TNFSF18: variants seen among roughly 807,000 people sequenced by gnomAD.
TNFSF18 encodes tumor necrosis factor ligand superfamily member 18.
A neutral mutation model predicts 9.6 loss-of-function variants in TNFSF18; 6 were observed. The observed-to-expected ratio is 0.63, with a 90% confidence interval of 0.34 to 1.24. The LOEUF (loss-of-function observed/expected upper bound fraction) is 1.24. TNFSF18 is among the 50% of genes most tolerant of loss of function. The pLI, the probability that TNFSF18 is intolerant of heterozygous loss-of-function variation, is 0.03. For synonymous variants in TNFSF18, 68 were observed against 71.7 expected, an observed-to-expected ratio of 0.95 and a Z score of 0.26; for missense variants, 210 against 201.0, an observed-to-expected ratio of 1.04 and a Z score of -0.27.
intron 1 of TNFSF18, among the ~76,000 whole-genome samples, chr1:173,047,046 C>T (rs969923130): frequency 6.6e-6 from 1 of 152,052 alleles, no homozygotes; most frequent in Non-Finnish European, 1.5e-5. Flanking sequence ...GTGCATGCCA[C>T]CAAGCCCAGC....
intron 1 of TNFSF18, among the ~76,000 whole-genome samples, chr1:173,044,264 C>G (rs1036770597): frequency 2.0e-5 from 3 of 151,854 alleles, no homozygotes; most frequent in East Asian, 3.9e-4. Flanking sequence ...GACCCCCCCC[C>G]CAACCTTGGG....
intron 1 of TNFSF18, among the ~76,000 whole-genome samples, chr1:173,048,987 C>A (rs963533521): frequency 6.6e-6 from 1 of 152,190 alleles, no homozygotes; most frequent in African/African-American, 2.4e-5. Flanking sequence ...CTGCAAGTGT[C>A]CTGTCAGAAC....
chr1:173,041,693 G>C lies in TNFSF18; in HGVS notation c.208C>G (p.Gln70Glu). Reference protein sequence around the residue: ...AKFGPLPSKWQMASSEPPCVN... With the variant: ...AKFGPLPSKWEMASSEPPCVN... ...CAAGGAGGTTCAGAAGATGCCATTT[G>C]CCATTTTGAGGGTAATGGTCCTATA... Residue 70 changes from glutamine to glutamate, a missense_variant, in exon 3 of 3, where the codon CAA becomes GAA. Coordinates refer to ENST00000404377, the MANE Select transcript of TNFSF18 (RefSeq NM_005092.4). 1 of 1,604,208 alleles carries C rather than the reference G, an allele frequency of 6.2e-7. No homozygotes were observed. Among genetic ancestry groups the C allele is most frequent in the Non-Finnish European group, 8.5e-7 (1 of 1,175,142 alleles).
chr1:173,049,597 A>G (rs1665137719), intron 1 of TNFSF18, among the ~76,000 whole-genome samples: 1 of 152,140 alleles, frequency 6.6e-6, no homozygotes, highest in Non-Finnish European at 1.5e-5. Context: ...ATTAATATCA[A>G]TAGGGGACTG....
At position 173,039,602 on chromosome 1, in the gene TNFSF18, G is replaced by A. The variant is rs985869347; in HGVS notation, c.*1765C>T. Among the ~76,000 whole-genome samples, 4 of 151,946 alleles carry A rather than the reference G, an allele frequency of 2.6e-5. No homozygotes were observed. Among genetic ancestry groups the A allele is most frequent in the African/African-American group, 9.7e-5 (4 of 41,352 alleles). On this transcript the variant is annotated 3_prime_UTR_variant, in exon 3 of 3. Coordinates refer to ENST00000404377, the MANE Select transcript of TNFSF18 (RefSeq NM_005092.4). ...AGAATGCCTATAGTTAATAACTAAA[G>A]TGCAACATTCCTGAAAATTTAATAA...
intron 2 of TNFSF18, 23 bp from the exon 3 acceptor site, chr1:173,041,736 A>G (rs1270749894): frequency 6.6e-7 from 1 of 1,525,662 alleles, no homozygotes; most frequent in Non-Finnish European, 8.8e-7. Context: ...TACAAGGATA[A>G]AAAAGATGAA....
chr1:173,042,423 A>C (rs1256099923), intron 2 of TNFSF18, among the ~76,000 whole-genome samples: 1 of 152,072 alleles, frequency 6.6e-6, no homozygotes, highest in Admixed American at 6.6e-5. Context: ...CATGTTCCTG[A>C]ATTAGGTGCT....
At chr1:173,044,898 T>C (rs1006931548) in intron 1 of TNFSF18, among the ~76,000 whole-genome samples, 6 of 151,998 alleles carry the variant, frequency 3.9e-5, no homozygotes, top group Non-Finnish European at 7.4e-5. Context: ...GGTTGGAAAA[T>C]AGAGCCAACA....
At chr1:173,041,822 C>CAACG in intron 2 of TNFSF18, 109 bp from the exon 3 acceptor site, 2 of 872,582 alleles carry the variant, frequency 2.3e-6, no homozygotes, top group Non-Finnish European at 3.3e-6. Context: ...GTTTCTTTAC[C>CAACG]TGATCTACAC....
In TNFSF18 at chr1:173,044,365, T is replaced by G. The variant is rs115634217; in HGVS notation, c.157-396A>C. Among the ~76,000 whole-genome samples, 1,054 of 152,238 alleles carry G rather than the reference T, an allele frequency of 6.9e-3. 12 individuals carry two copies. Among genetic ancestry groups the G allele is most frequent in the African/African-American group, 0.024 (991 of 41,544 alleles). On this transcript the variant is annotated intron_variant, in intron 1 of 2. Coordinates refer to ENST00000404377, the MANE Select transcript of TNFSF18 (RefSeq NM_005092.4). ...GCATGTGAAAGGAAAATAGTGAAGC[T>G]TCTATTTATGTTTATTTTATTTAAA...
In TNFSF18 at chr1:173,039,874, C is replaced by T. The variant is rs1388018993; in HGVS notation, c.*1493G>A. The T allele has an allele frequency of 6.6e-6, 1 of 151,808 alleles. No homozygotes were observed. Among genetic ancestry groups the T allele is most frequent in the Non-Finnish European group, 1.5e-5 (1 of 67,956 alleles). The allele number at this position is 151,808 out of a possible 1,614,324, so 9.4% of individuals were successfully genotyped here. A position where few individuals can be genotyped will look rare whatever the true frequency, so the allele number is the denominator to read the frequency against. ...CTCAGCAGATGTTTTTTTAAAAAGT[C>T]ATACTAAGAAACAACTTGGCCTCAG... On this transcript the variant is annotated 3_prime_UTR_variant, in exon 3 of 3. Transcript: ENST00000404377.
chr1:173,047,745 C>T (rs1435308896), intron 1 of TNFSF18, among the ~76,000 whole-genome samples: 2 of 152,096 alleles, frequency 1.3e-5, no homozygotes, highest in African/African-American at 4.8e-5. Context: ...GTCAGAAATT[C>T]CGTATAATAT....
intron 1 of TNFSF18, among the ~76,000 whole-genome samples, chr1:173,049,127 A>T (rs1665127756): frequency 6.6e-6 from 1 of 152,194 alleles, no homozygotes; most frequent in African/African-American, 2.4e-5. Flanking sequence ...AACACATGGG[A>T]TTAATCCAGT....
rs1274357738 is a variant in TNFSF18, at chr1:173,040,500, A to G, written c.*867T>C. On this transcript the variant is annotated 3_prime_UTR_variant, in exon 3 of 3. Coordinates refer to ENST00000404377, the MANE Select transcript of TNFSF18 (RefSeq NM_005092.4). The stretch of plus-strand genomic sequence containing the variant: ...AAATTTTCCCCCAAATGCCTGCCCA[A>G]TTAACTTCATAGAATTGCTAACTGT... The G allele has an allele frequency of 6.6e-6, 1 of 152,174 alleles. No individual in the cohort carries two copies. Among genetic ancestry groups the G allele is most frequent in the African/African-American group, 2.4e-5 (1 of 41,442 alleles). The allele number at this position is 152,174 out of a possible 1,614,324, so 9.4% of individuals were successfully genotyped here.
chr1:173,049,072 A>G (rs1209826512), intron 1 of TNFSF18, among the ~76,000 whole-genome samples: 1 of 152,322 alleles, frequency 6.6e-6, no homozygotes, highest in East Asian at 1.9e-4. Context: ...AGAACATTTC[A>G]TTGAGAAACT....
chr1:173,050,407 T>G (rs1444685101), intron 1 of TNFSF18, among the ~76,000 whole-genome samples: 1 of 152,110 alleles, frequency 6.6e-6, no homozygotes, highest in East Asian at 1.9e-4. Context: ...TTGATATTCA[T>G]TCATATTTTT....
In TNFSF18 at chr1:173,041,401, A is replaced by T; in HGVS notation, c.500T>A (p.Ile167Asn). 1.9e-6 allele frequency: 3 copies of T among 1,611,094 alleles called. No individual in the cohort carries two copies. In the South Asian group the frequency reaches 3.3e-5, roughly 18 times the overall value. The change falls in exon 3 of 3, where the codon ATC becomes AAC. Residue 167 changes from isoleucine to asparagine, a missense_variant. Transcript: ENST00000404377. ...QVLKNNTYWGIILLANPQFIS is the reference protein window; with the variant it reads ...QVLKNNTYWGNILLANPQFIS ...GAATTGGGGATTTGCTAGTAAAATGATACCCCAGTATGTATTATTTTTTAG... is the reference window on the plus strand; with the variant it reads ...GAATTGGGGATTTGCTAGTAAAATGTTACCCCAGTATGTATTATTTTTTAG...
Position 173,041,295 on chromosome 1 carries a change from A to G in TNFSF18, c.*72T>C, listed in dbSNP as rs1052322560. On this transcript the variant is annotated 3_prime_UTR_variant, in exon 3 of 3. Transcript: ENST00000404377. ...GACAGACAAACTCTAGAAATTGAAT[A>G]TCTTCTCCCTCCAATCCACCCACTG... The G allele has an allele frequency of 2.4e-6, 3 of 1,226,620 alleles. No individual in the cohort carries two copies. The highest frequency in any genetic ancestry group is 2.4e-5 in the Admixed American group (1 of 41,672). 76.0% of individuals were successfully genotyped at this position (1,226,620 alleles called of 1,614,324 possible).
rs760853421 is a variant in TNFSF18 at position 173,041,473 on chromosome 1, T to C, written c.428A>G (p.His143Arg). Residue 143 changes from histidine to arginine, a missense_variant, in exon 3 of 3, where the codon CAT (histidine) becomes CGT (arginine). His to Arg is a conservative substitution (Grantham distance 29, BLOSUM62 0). Coordinates refer to ENST00000404377, the MANE Select transcript of TNFSF18 (RefSeq NM_005092.4). ...IQNVGGTYEL[H>R]VGDTIDLIFN... ...TATCAAGTCTATGGTGTCCCCAACATGCAATTCATAAGTCCCTCCTACATT... is the reference window on the plus strand; with the variant it reads ...TATCAAGTCTATGGTGTCCCCAACACGCAATTCATAAGTCCCTCCTACATT... The C allele has an allele frequency of 1.4e-5, 22 of 1,613,606 alleles. No individual in the cohort carries two copies. The highest frequency in any genetic ancestry group is 1.6e-5 in the Non-Finnish European group (19 of 1,179,616).
Sources: allele counts gnomAD v4.1 joint callset (sites outside exome capture counted in the v4.1 genomes callset), GRCh38; gene constraint gnomAD v4.1.1; transcripts MANE v1.5; gene names NCBI Gene and HGNC (gene_info 2026-07-23, HGNC 2026-07-21).